The following BICD2 variants were observed in gnomAD, a reference collection of about 807,000 sequenced individuals.
BICD2 encodes the protein BICD cargo adaptor 2, also known as protein bicaudal D homolog 2.
BICD2 carries 25 observed loss-of-function variants against 72.9 expected under a neutral mutation model. The ratio of observed to expected loss-of-function variants is 0.34; its 90% CI spans 0.25 to 0.48. The LOEUF is 0.48. BICD2 is among the 20% of genes least tolerant of loss of function. The pLI, the probability that BICD2 is intolerant of heterozygous loss-of-function variation, is 0.99. For synonymous variants in BICD2, 501 were observed against 516.1 expected, an observed-to-expected ratio of 0.97 and a Z score of 0.40; for missense variants, 894 against 1,175.2, an observed-to-expected ratio of 0.76 and a Z score of 3.50.
At chr9:92,734,513 CAA>C (rs34489248) in intron 1 of BICD2, among the ~76,000 whole-genome samples, 93 of 106,894 alleles carry the variant, frequency 8.7e-4, no homozygotes, top group Middle Eastern at 5.2e-3. Flanking sequence ...GACCCTGTCT[CAA>C]AAAAAAAAAA....
In BICD2 at chr9:92,720,732, A is replaced by G. The variant is rs1373997521; in HGVS notation, c.630T>C (p.His210=). Residue 210 remains histidine (H), a synonymous_variant, in exon 4 of 7, where the codon CAT becomes CAC. Transcript: ENST00000356884. The surrounding 1 kb of genome is among the most constrained non-coding windows in gnomAD (Gnocchi z 5.4). The part of the protein sequence containing the change: ...QNQVEFEGLK[H]EIKRLEEETE... ...TCTCCTCCTCCAGACGCTTGATCTC[A>G]TGCTTGAGGCCCTCAAACTCCACCT... The G allele has an allele frequency of 9.9e-6, 16 of 1,613,822 alleles. No individual in the cohort carries two copies. The highest frequency in any genetic ancestry group is 4.5e-5 in the East Asian group (2 of 44,866).
chr9:92,757,656 G>A (rs1384201535), intron 1 of BICD2, among the ~76,000 whole-genome samples: 4 of 150,048 alleles, frequency 2.7e-5, no homozygotes, highest in African/African-American at 9.8e-5. Context: ...GCAGTAAGCC[G>A]AGATCGCGCC....
Position 92,720,607 on chromosome 9 carries a change from T to C in BICD2, c.755A>G (p.Glu252Gly), listed in dbSNP as rs764345086. 1.2e-6 allele frequency: 2 copies of C among 1,614,048 alleles called. No homozygotes were observed. The highest frequency in any genetic ancestry group is 1.7e-6 in the Non-Finnish European group (2 of 1,180,038). ...CTCCTTGCGCAGGCTGTTCTTCTGTTCGCGCTCCGTCTTCAGGGTCTCCAG... is the reference window on the plus strand; with the variant it reads ...CTCCTTGCGCAGGCTGTTCTTCTGTCCGCGCTCCGTCTTCAGGGTCTCCAG... ...EALETLKTER[E>G]QKNSLRKELS... The change falls in exon 4 of 7, where the codon GAA becomes GGA. Residue 252 changes from glutamate to glycine, a missense_variant. Physicochemically the swap from Glu to Gly is moderately conservative, Grantham distance 98. Coordinates refer to ENST00000356884, the MANE Select transcript of BICD2 (RefSeq NM_001003800.2). This position sits in a 1 kb window ranked among gnomAD's most constrained non-coding sequence, Gnocchi z 5.4.
intron 1 of BICD2, among the ~76,000 whole-genome samples, chr9:92,755,339 C>T (rs1046940499): frequency 1.3e-5 from 2 of 152,200 alleles, no homozygotes; most frequent in Non-Finnish European, 1.5e-5. Flanking sequence ...AATTTCGCCT[C>T]GGTCCTGTGG....
chr9:92,758,227 A>T (rs555802885), intron 1 of BICD2, among the ~76,000 whole-genome samples: 12 of 148,424 alleles, frequency 8.1e-5, no homozygotes, highest in South Asian at 6.3e-4. Flanking sequence ...AATAATAATA[A>T]TAATATGAAT....
chr9:92,739,431 T>C (rs1480742774), intron 1 of BICD2, among the ~76,000 whole-genome samples: 1 of 152,182 alleles, frequency 6.6e-6, no homozygotes, highest in Non-Finnish European at 1.5e-5. Context: ...CTCACTTGAT[T>C]ACGGATTGTC....
At position 92,711,593 on chromosome 9, in the gene BICD2, G is replaced by A. The variant is rs1180659685; in HGVS notation, c.*3561C>T. On this transcript the variant is annotated 3_prime_UTR_variant, in exon 7 of 7. Transcript: ENST00000356884. ...GTTTGGGTCTGTGTAAAGGTTCCTT[G>A]GCAGGAGAACATGCATATGACTTTA... 1 of 152,484 alleles carries A rather than the reference G, an allele frequency of 6.6e-6. No homozygotes were observed. Among genetic ancestry groups the A allele is most frequent in the African/African-American group, 2.4e-5 (1 of 41,388 alleles). The allele number at this position is 152,484 out of a possible 1,614,324, so 9.4% of individuals were successfully genotyped here. A position where few individuals can be genotyped will look rare whatever the true frequency, so the allele number is the denominator to read the frequency against.
chr9:92,742,369 T>C (rs1463648279), intron 1 of BICD2, among the ~76,000 whole-genome samples: 13 of 151,896 alleles, frequency 8.6e-5, no homozygotes, highest in African/African-American at 2.4e-5. Context: ...CACCATTAAT[T>C]CCACATTTCT....
intron 2 of BICD2, among the ~76,000 whole-genome samples, chr9:92,723,315 C>A (rs1481851909): frequency 6.6e-6 from 1 of 152,172 alleles, no homozygotes; most frequent in African/African-American, 2.4e-5. Context: ...AGCCCAAGTG[C>A]CCATTGACTG....
chr9:92,749,753 C>T (rs536320621), intron 1 of BICD2, among the ~76,000 whole-genome samples: 3 of 152,370 alleles, frequency 2.0e-5, no homozygotes, highest in East Asian at 1.9e-4. Context: ...CTAGCTACCC[C>T]GCCCAAGACA....
intron 6 of BICD2, among the ~76,000 whole-genome samples, chr9:92,717,029 G>A (rs946543719): frequency 3.3e-5 from 5 of 152,198 alleles, no homozygotes; most frequent in Admixed American, 6.5e-5. Context: ...GGTGGGACCC[G>A]AACTGTGGAC....
intron 1 of BICD2, among the ~76,000 whole-genome samples, chr9:92,759,675 A>G (rs1318379284): frequency 1.3e-5 from 2 of 152,236 alleles, no homozygotes; most frequent in African/African-American, 4.8e-5. Context: ...CACAGGGTCT[A>G]AGGCCAATGC....
intron 1 of BICD2, among the ~76,000 whole-genome samples, chr9:92,740,236 C>T (rs1853873105): frequency 6.6e-6 from 1 of 152,104 alleles, no homozygotes; most frequent in South Asian, 2.1e-4. Flanking sequence ...TGCAGAATGA[C>T]ATCAGAGCAA....
chr9:92,728,777 G>A (rs187702081), intron 2 of BICD2, among the ~76,000 whole-genome samples: 1 of 152,342 alleles, frequency 6.6e-6, no homozygotes, highest in African/African-American at 2.4e-5. Flanking sequence ...CATGGGACTC[G>A]CTTCATGAGT....
intron 1 of BICD2, among the ~76,000 whole-genome samples, chr9:92,758,019 C>T (rs1207200945): frequency 6.6e-6 from 1 of 151,694 alleles, no homozygotes; most frequent in Non-Finnish European, 1.5e-5. Flanking sequence ...GTCTGACCAA[C>T]ATGGTGAAAC....
intron 1 of BICD2, among the ~76,000 whole-genome samples, chr9:92,751,624 G>C (rs1446267761): frequency 6.6e-6 from 1 of 152,148 alleles, no homozygotes; most frequent in Non-Finnish European, 1.5e-5. Context: ...GGTGGATGGT[G>C]GGAGCCAGGT....
intron 1 of BICD2, among the ~76,000 whole-genome samples, chr9:92,738,116 T>C (rs908382087): frequency 4.7e-4 from 71 of 152,192 alleles, no homozygotes; most frequent in African/African-American, 1.6e-3. Flanking sequence ...GCCCACGTCC[T>C]GGCTCTGCCA....
chr9:92,713,424 G>C lies in BICD2; in HGVS notation c.*1730C>G. On this transcript the variant is annotated 3_prime_UTR_variant, in exon 7 of 7. Coordinates refer to ENST00000356884, the MANE Select transcript of BICD2 (RefSeq NM_001003800.2). ...AGGGGAAGGGGCTGCAGTGTGACAG[G>C]GCCGGGTGGCCAAGTCCTCCTGGCA... is the stretch of plus-strand genomic sequence containing the variant. The C allele has an allele frequency of 6.3e-7, 1 of 1,581,606 alleles. No individual in the cohort carries two copies. Among genetic ancestry groups the C allele is most frequent in the Non-Finnish European group, 8.6e-7 (1 of 1,161,706 alleles).
At chr9:92,734,610 G>A (rs1482527121) in intron 1 of BICD2, among the ~76,000 whole-genome samples, 1 of 149,464 alleles carries the variant, frequency 6.7e-6, no homozygotes, top group Non-Finnish European at 1.5e-5. Context: ...CCCACAGGCT[G>A]TTTGCCCCAT....
Sources: allele counts gnomAD v4.1 joint callset (sites outside exome capture counted in the v4.1 genomes callset), GRCh38; gene constraint gnomAD v4.1.1; non-coding constraint Gnocchi (gnomAD v3.1); transcripts MANE v1.5; gene names NCBI Gene and HGNC (gene_info 2026-07-23, HGNC 2026-07-21).